GPC6: variants seen among roughly 807,000 people sequenced by gnomAD.
GPC6 encodes the protein glypican 6.
In GPC6, 14 loss-of-function variants were observed where a neutral mutation model predicts 55.2. The observed-to-expected ratio is 0.25, with a 90% CI of 0.17 to 0.40. GPC6 has a LOEUF of 0.40. GPC6 is among the 10% of genes least tolerant of loss of function. The pLI is 1.00. For missense variants in GPC6, 641 were observed against 708.5 expected (o/e 0.90, Z 1.08); for synonymous variants, 278 against 259.6 (o/e 1.07, Z -0.68).
intron 1 of GPC6, among the ~76,000 whole-genome samples, chr13:93,294,090 G>T (rs1206228919): frequency 6.6e-6 from 1 of 152,090 alleles, no homozygotes; most frequent in Non-Finnish European, 1.5e-5. Context: ...ATGGGTATTT[G>T]TTGGGAAATT....
chr13:93,992,747 A>G (rs1173173911), intron 3 of GPC6, among the ~76,000 whole-genome samples: 1 of 152,218 alleles, frequency 6.6e-6, no homozygotes, highest in Non-Finnish European at 1.5e-5. Flanking sequence ...GATTCTCAGA[A>G]TAGACTGTCC....
intron 6 of GPC6, among the ~76,000 whole-genome samples, chr13:94,373,464 G>C (rs940896619): frequency 2.0e-5 from 3 of 152,198 alleles, no homozygotes; most frequent in African/African-American, 7.2e-5. Flanking sequence ...AAGCGTATCA[G>C]CAATGGAAGA....
chr13:94,288,413 C>A (rs1314468647), intron 5 of GPC6, among the ~76,000 whole-genome samples: 1 of 151,858 alleles, frequency 6.6e-6, no homozygotes, highest in African/African-American at 2.4e-5. Flanking sequence ...GGTCATGCAC[C>A]ACACCCACCT....
At chr13:93,843,414 G>A (rs1888032170) in intron 3 of GPC6, among the ~76,000 whole-genome samples, 1 of 151,986 alleles carries the variant, frequency 6.6e-6, no homozygotes, top group African/African-American at 2.4e-5. Context: ...TCATTCAAAA[G>A]GGAAAAGAAA....
chr13:94,306,086 G>A lies in GPC6; in HGVS notation c.1115G>A (p.Arg372Lys). 1 of 1,614,186 alleles carries A rather than the reference G, an allele frequency of 6.2e-7. No individual in the cohort carries two copies. Among genetic ancestry groups the A allele is most frequent in the Non-Finnish European group, 8.5e-7 (1 of 1,180,028 alleles). Residue 372 changes from arginine (R) to lysine (K), a missense_variant, in exon 6 of 9, where the codon AGA becomes AAA. Coordinates refer to ENST00000377047, the MANE Select transcript of GPC6 (RefSeq NM_005708.5). ...TRFRPYNPEERPTTAAGTSLD... is the reference protein window; with the variant it reads ...TRFRPYNPEEKPTTAAGTSLD... Reference sequence around the variant, plus strand: ...TTCAGGCCCTACAATCCTGAGGAAAGACCAACAACTGCTGCAGGCACAAGC... The same window carrying A: ...TTCAGGCCCTACAATCCTGAGGAAAAACCAACAACTGCTGCAGGCACAAGC...
At chr13:94,288,488 A>T (rs1892592280) in intron 5 of GPC6, among the ~76,000 whole-genome samples, 1 of 151,680 alleles carries the variant, frequency 6.6e-6, no homozygotes, top group Non-Finnish European at 1.5e-5. Context: ...GAATGGAATA[A>T]AACTCCTGCA....
At chr13:93,332,141 GTAGTGAA>G (rs1566303400) in intron 1 of GPC6, among the ~76,000 whole-genome samples, 1 of 151,924 alleles carries the variant, frequency 6.6e-6, no homozygotes, top group Non-Finnish European at 1.5e-5. Context: ...TATTTTAGCC[GTAGTGAA>G]TAGTGCAACA....
chr13:94,297,298 G>A (rs971493248), intron 5 of GPC6, among the ~76,000 whole-genome samples: 16 of 152,236 alleles, frequency 1.1e-4, no homozygotes, highest in South Asian at 4.1e-4. Context: ...TTGTTGAATC[G>A]TAGGTGGAAG....
chr13:94,381,796 A>T (rs1030411337), intron 6 of GPC6, among the ~76,000 whole-genome samples: 1 of 152,202 alleles, frequency 6.6e-6, no homozygotes, highest in East Asian at 1.9e-4. Flanking sequence ...TTTCCTGGCC[A>T]TCCATCCACA....
At chr13:94,004,458 T>C (rs893714783) in intron 3 of GPC6, among the ~76,000 whole-genome samples, 2 of 152,118 alleles carry the variant, frequency 1.3e-5, no homozygotes, top group Non-Finnish European at 2.9e-5. Flanking sequence ...AAGGGCTGGA[T>C]TGGCAAATTG....
At chr13:93,651,760 C>T (rs970863867) in intron 2 of GPC6, among the ~76,000 whole-genome samples, 2 of 152,060 alleles carry the variant, frequency 1.3e-5, no homozygotes, top group African/African-American at 4.8e-5. Flanking sequence ...GTATGTTGCT[C>T]CACAAGCCTG....
intron 2 of GPC6, among the ~76,000 whole-genome samples, chr13:93,675,751 A>G (rs979356470): frequency 6.6e-6 from 1 of 152,138 alleles, no homozygotes; most frequent in Non-Finnish European, 1.5e-5. Context: ...CTTAGAACAT[A>G]TAAGAATGTT....
At position 94,288,944 on chromosome 13, in the gene GPC6, T is replaced by TATAACAA. The variant is rs1323578328; in HGVS notation, c.1008+2466_1008+2467insTAACAAA. Among the ~76,000 whole-genome samples, 23 of 114,916 alleles carry TATAACAA rather than the reference T, an allele frequency of 2.0e-4. 1 individual carries two copies. The South Asian group carries it at 4.9e-3, about 24-fold the overall frequency. The allele number at this position is 114,916 out of a possible 152,430, so 75.4% of individuals were successfully genotyped here. On this transcript the variant is annotated intron_variant, in intron 5 of 8. Coordinates refer to ENST00000377047, the MANE Select transcript of GPC6 (RefSeq NM_005708.5). ...TATATAACAAATATAGATAGATAGATAGATAGATATATAGATAGATAGATA... is the reference window on the plus strand; with the variant it reads ...TATATAACAAATATAGATAGATAGATATAACAAAGATAGATATATAGATAGATAGATA...
intron 1 of GPC6, among the ~76,000 whole-genome samples, chr13:93,389,967 G>A (rs1875553894): frequency 6.6e-6 from 1 of 152,004 alleles, no homozygotes. Flanking sequence ...AATTTCAAGA[G>A]TTAGACAGGA....
At chr13:93,976,308 T>C (rs1358058806) in intron 3 of GPC6, among the ~76,000 whole-genome samples, 1 of 144,038 alleles carries the variant, frequency 6.9e-6, no homozygotes, top group Non-Finnish European at 1.5e-5. Context: ...AGCCCTTCTA[T>C]GTCTTAAAGT....
intron 1 of GPC6, among the ~76,000 whole-genome samples, chr13:93,329,638 A>G (rs772525050): frequency 2.0e-5 from 3 of 152,292 alleles, no homozygotes; most frequent in African/African-American, 4.8e-5. Flanking sequence ...AGCCTGGATC[A>G]CTAGTCTTGC....
rs117991900 is a variant in GPC6 at position 93,382,977 on chromosome 13, T to C, written c.160+155361T>C. ...CTCATTCCTCTGATATAAAAGTTGG[T>C]ACCATATTTCCAGGGGTTCAAATCA... On this transcript the variant is annotated intron_variant, in intron 1 of 8. Transcript: ENST00000377047. Among the ~76,000 whole-genome samples the C allele has an allele frequency of 1.8e-4, 28 of 152,230 alleles. No homozygotes were observed. In the East Asian group the frequency reaches 5.0e-3, roughly 27 times the overall value.
intron 3 of GPC6, among the ~76,000 whole-genome samples, chr13:93,900,303 G>A (rs557580505): frequency 6.6e-6 from 1 of 152,094 alleles, no homozygotes; most frequent in Admixed American, 6.6e-5. Context: ...CATTCAGTTG[G>A]CCTCTTCCAT....
chr13:94,258,799 T>C (rs1486598560), intron 4 of GPC6, among the ~76,000 whole-genome samples: 2 of 152,212 alleles, frequency 1.3e-5, no homozygotes, highest in African/African-American at 2.4e-5. Context: ...TGATTATTTC[T>C]GAGGCTCCAC....
Sources: allele counts gnomAD v4.1 joint callset (sites outside exome capture counted in the v4.1 genomes callset), GRCh38; gene constraint gnomAD v4.1.1; transcripts MANE v1.5; gene names NCBI Gene and HGNC (gene_info 2026-07-23, HGNC 2026-07-21).